The following CSMD1 variants were observed in gnomAD, a reference collection of about 807,000 sequenced individuals.
CSMD1 encodes CUB and Sushi multiple domains 1, also known as CUB and sushi domain-containing protein 1.
Under a neutral mutation model 417.5 loss-of-function variants are expected in CSMD1, and 213 were observed. The ratio of observed to expected loss-of-function variants is 0.51; its 90% CI spans 0.46 to 0.57. The LOEUF is 0.57. CSMD1 is among the 20% of genes least tolerant of loss of function. The pLI, the probability that CSMD1 is intolerant of heterozygous loss-of-function variation, is 0.00. For synonymous variants in CSMD1, 2,862 were observed against 1,736.8 expected, an observed-to-expected ratio of 1.65 and a Z score of -16.11; for missense variants, 6,923 against 4,529.7, an observed-to-expected ratio of 1.53 and a Z score of -15.17.
At chr8:4,058,991 T>G (rs1798836255) in intron 3 of CSMD1, among the ~76,000 whole-genome samples, 1 of 151,908 alleles carries the variant, frequency 6.6e-6, no homozygotes, top group African/African-American at 2.4e-5. Context: ...CAACACAAAT[T>G]CTTTTCAGAA....
chr8:3,547,920 C>T (rs892615801), intron 10 of CSMD1, among the ~76,000 whole-genome samples: 2 of 152,106 alleles, frequency 1.3e-5, no homozygotes, highest in Non-Finnish European at 2.9e-5. Context: ...ATGCACCATG[C>T]CATATCCTGA....
chr8:3,141,878 A>G (rs1387988264), intron 41 of CSMD1, among the ~76,000 whole-genome samples: 5 of 151,002 alleles, frequency 3.3e-5, no homozygotes, highest in East Asian at 2.0e-4. Context: ...CCTCACTGCA[A>G]GCTCCGCCTC....
intron 1 of CSMD1, among the ~76,000 whole-genome samples, chr8:4,818,566 C>T (rs1447805230): frequency 6.6e-6 from 1 of 152,124 alleles, no homozygotes; most frequent in Non-Finnish European, 1.5e-5. Context: ...CACACATGTG[C>T]ACATATATTT....
intron 5 of CSMD1, among the ~76,000 whole-genome samples, chr8:3,780,780 C>G (rs1481519911): frequency 6.6e-6 from 1 of 152,140 alleles, no homozygotes; most frequent in African/African-American, 2.4e-5. Context: ...ACAGATTCAT[C>G]TAAAAGAAAG....
chr8:3,932,353 A>G (rs771102116), intron 5 of CSMD1, among the ~76,000 whole-genome samples: 38 of 150,592 alleles, frequency 2.5e-4, no homozygotes, highest in Admixed American at 9.3e-4. Flanking sequence ...CTGCGACTAG[A>G]GGAATGAATA....
At chr8:4,110,266 AT>A (rs1479051633) in intron 3 of CSMD1, among the ~76,000 whole-genome samples, 1 of 152,182 alleles carries the variant, frequency 6.6e-6, no homozygotes, top group Non-Finnish European at 1.5e-5. Flanking sequence ...GAAACAAGTC[AT>A]GATATACTGT....
intron 1 of CSMD1, among the ~76,000 whole-genome samples, chr8:4,789,005 C>G (rs1305084062): frequency 6.6e-6 from 1 of 152,060 alleles, no homozygotes; most frequent in Non-Finnish European, 1.5e-5. Context: ...GACTCTCAGC[C>G]TTGAAATCAG....
chr8:3,648,402 C>G (rs12677648), intron 7 of CSMD1, among the ~76,000 whole-genome samples: 32,148 of 152,054 alleles, frequency 0.21, 3,852 homozygotes, highest in South Asian at 0.32. Flanking sequence ...GACATGCTGC[C>G]TGCTGCACTA....
intron 2 of CSMD1, among the ~76,000 whole-genome samples, chr8:4,635,679 A>G (rs1433839636): frequency 1.3e-5 from 2 of 152,114 alleles, no homozygotes; most frequent in African/African-American, 2.4e-5. Flanking sequence ...TTACCATTAT[A>G]ATACACTACT....
chr8:2,976,872 T>C (rs1191814362), intron 55 of CSMD1, among the ~76,000 whole-genome samples: 2 of 152,098 alleles, frequency 1.3e-5, no homozygotes, highest in Non-Finnish European at 2.9e-5. Flanking sequence ...TAAAATGATA[T>C]ATTCTTGCTA....
At chr8:4,424,616 A>G (rs1797439866) in intron 2 of CSMD1, among the ~76,000 whole-genome samples, 1 of 152,070 alleles carries the variant, frequency 6.6e-6, no homozygotes, top group East Asian at 1.9e-4. Context: ...ATAAAATGGT[A>G]CAGCCATTTT....
chr8:4,492,522 A>G (rs1323738542), intron 2 of CSMD1, among the ~76,000 whole-genome samples: 1 of 152,336 alleles, frequency 6.6e-6, no homozygotes. Context: ...TCTGATCATT[A>G]TAATATTTCT....
In CSMD1 at chr8:4,333,121, G is replaced by A. The variant is rs968206562; in HGVS notation, c.415+86832C>T. Among the ~76,000 whole-genome samples the A allele has an allele frequency of 3.3e-5, 5 of 152,022 alleles. No individual in the cohort carries two copies. In the East Asian group the frequency reaches 7.7e-4, roughly 24 times the overall value. On this transcript the variant is annotated intron_variant, in intron 3 of 69. Coordinates refer to ENST00000635120, the MANE Select transcript of CSMD1 (RefSeq NM_033225.6). ...TGTGTTTGAAAATTTGAAAATAGCA[G>A]GTGAAATCCAGCAACACCTGATTGA...
intron 3 of CSMD1, among the ~76,000 whole-genome samples, chr8:4,244,198 G>A (rs1802562312): frequency 6.6e-6 from 1 of 152,160 alleles, no homozygotes; most frequent in African/African-American, 2.4e-5. Flanking sequence ...AGGCTTAGCT[G>A]AGCTAGACCA....
rs112654165 is a variant in CSMD1 at position 4,403,973 on chromosome 8, A to G, written c.415+15980T>C. Reference sequence around the variant, plus strand: ...TCAAAACCTTTGGCATCACCCCTAAAACTCTCCTTTCTCAGGTCAACCAAT... The same window carrying G: ...TCAAAACCTTTGGCATCACCCCTAAGACTCTCCTTTCTCAGGTCAACCAAT... On this transcript the variant is annotated intron_variant, in intron 3 of 69. Transcript: ENST00000635120. Among the ~76,000 whole-genome samples the G allele has an allele frequency of 5.5e-3, 839 of 152,220 alleles. 4 individuals are homozygous for G. The highest frequency in any genetic ancestry group is 0.02 in the African/African-American group (811 of 41,512).
chr8:3,139,424 C>T (rs1034401214), intron 41 of CSMD1, among the ~76,000 whole-genome samples: 49 of 152,052 alleles, frequency 3.2e-4, no homozygotes, highest in East Asian at 1.9e-4. Flanking sequence ...GGGAAAAGGG[C>T]GTCAAGAGAA....
At chr8:4,407,751 T>C (rs1207856154) in intron 3 of CSMD1, among the ~76,000 whole-genome samples, 1 of 152,196 alleles carries the variant, frequency 6.6e-6, no homozygotes, top group Non-Finnish European at 1.5e-5. Context: ...AGCATTCCTT[T>C]AAAAACAGTC....
intron 2 of CSMD1, among the ~76,000 whole-genome samples, chr8:4,499,488 C>G (rs1357744047): frequency 6.6e-6 from 1 of 152,156 alleles, no homozygotes; most frequent in Non-Finnish European, 1.5e-5. Flanking sequence ...TGGTAAATTG[C>G]AAGAACCAGC....
intron 49 of CSMD1, among the ~76,000 whole-genome samples, chr8:3,073,387 A>G (rs75263938): frequency 0.033 from 5,101 of 152,278 alleles, 293 homozygotes; most frequent in African/African-American, 0.12. Flanking sequence ...TATTTAATAA[A>G]TGACACTCAG....
Sources: gnomAD v4.1 joint callset for allele counts (sites outside exome capture counted in the v4.1 genomes callset) on GRCh38, gnomAD v4.1.1 for gene constraint, MANE v1.5 for transcripts, NCBI Gene and HGNC (gene_info 2026-07-23, HGNC 2026-07-21) for gene names.